The following HSD17B12 variants were observed in gnomAD, a reference collection of about 807,000 sequenced individuals.
The protein encoded by HSD17B12 is hydroxysteroid 17-beta dehydrogenase 12, also known as very-long-chain 3-oxoacyl-CoA reductase.
A neutral mutation model predicts 39.3 loss-of-function variants in HSD17B12; 32 were observed. The observed-to-expected ratio is 0.81, with a 90% CI of 0.61 to 1.09. The LOEUF (loss-of-function observed/expected upper bound fraction) is 1.09. Ranked by LOEUF, HSD17B12 falls within the 50% of genes least tolerant of loss-of-function variation. The pLI, the probability that HSD17B12 is intolerant of heterozygous loss-of-function variation, is 0.00. For synonymous variants in HSD17B12, 150 were observed against 146.7 expected (o/e 1.02, Z -0.16); for missense variants, 342 against 382.9 (o/e 0.89, Z 0.89).
Position 43,854,880 on chromosome 11 carries a change from G to T in HSD17B12, c.834+16G>T. On this transcript the variant is annotated intron_variant, in intron 10 of 10. Transcript: ENST00000278353. Reference sequence around the variant, plus strand: ...TGCTCTTATGGTAGGTAGATTTTTTGAATCACAAATCAATACTTTCTGGCT... The same window carrying T: ...TGCTCTTATGGTAGGTAGATTTTTTTAATCACAAATCAATACTTTCTGGCT... 1.2e-6 allele frequency: 2 copies of T among 1,612,260 alleles called. No homozygotes were observed. The highest frequency in any genetic ancestry group is 2.2e-5 in the South Asian group (2 of 90,910).
the HSD17B12 span, among the ~76,000 whole-genome samples, chr11:43,626,242 A>G: frequency 6.8e-4 from 103 of 151,916 alleles, no homozygotes; most frequent in Middle Eastern, 3.4e-3. Context: ...CTAAATATAA[A>G]ATTTTTAAAA....
chr11:43,616,159 G>C, the HSD17B12 span, among the ~76,000 whole-genome samples: 58,087 of 152,048 alleles, frequency 0.38, 12,524 homozygotes, highest in East Asian at 0.75. Flanking sequence ...TGTAATACCA[G>C]CATTTTGGGA....
At chr11:43,696,768 C>G (rs769566584) in intron 1 of HSD17B12, among the ~76,000 whole-genome samples, 1 of 152,116 alleles carries the variant, frequency 6.6e-6, no homozygotes, top group Non-Finnish European at 1.5e-5. Context: ...AACTCAAATG[C>G]CCATCAGTGA....
At chr11:43,600,687 G>A in the HSD17B12 span, among the ~76,000 whole-genome samples, 1 of 151,936 alleles carries the variant, frequency 6.6e-6, no homozygotes, top group Admixed American at 6.6e-5. Context: ...TAAGATCTTA[G>A]CAAGTTACTT....
rs755650866 is a variant in HSD17B12 at position 43,680,799 on chromosome 11, A to T, written c.-29A>T. Reference sequence around the variant, plus strand: ...ATTCATTCACTCGCTCTTTTCATTCACGAAGGTAGTGAGGCCTAGTGGAAA... The same window carrying T: ...ATTCATTCACTCGCTCTTTTCATTCTCGAAGGTAGTGAGGCCTAGTGGAAA... On this transcript the variant is annotated 5_prime_UTR_variant, in exon 1 of 11. Transcript: ENST00000278353. The T allele has an allele frequency of 6.3e-7, 1 of 1,591,074 alleles. No homozygotes were observed. The highest frequency in any genetic ancestry group is 2.2e-5 in the East Asian group (1 of 44,688).
At chr11:43,633,301 G>A in the HSD17B12 span, among the ~76,000 whole-genome samples, 1 of 152,176 alleles carries the variant, frequency 6.6e-6, no homozygotes, top group Non-Finnish European at 1.5e-5. Context: ...GGAGGCCAAG[G>A]CAGGAGGATC....
the HSD17B12 span, among the ~76,000 whole-genome samples, chr11:43,628,050 C>CT: frequency 4.7e-5 from 7 of 149,350 alleles, no homozygotes; most frequent in South Asian, 2.1e-4. Flanking sequence ...TTCTTTTTTT[C>CT]TTTTTTTTGG....
chr11:43,697,767 G>C lies in HSD17B12; in HGVS notation c.160+16780G>C, dbSNP rs549134059. 9.8e-5 allele frequency among the ~76,000 whole-genome samples: 15 copies of C among 152,314 alleles called. No individual in the cohort carries two copies. The South Asian group carries it at 3.1e-3, about 32-fold the overall frequency. ...TTTCAGGAAGTTTTTCTAAAAGAAG[G>C]TTGAGAGAGCTGGGGCTGAGAATCC... On this transcript the variant is annotated intron_variant, in intron 1 of 10. Coordinates refer to ENST00000278353, the MANE Select transcript of HSD17B12 (RefSeq NM_016142.3).
chr11:43,585,890 A>G, the HSD17B12 span, among the ~76,000 whole-genome samples: 2 of 152,168 alleles, frequency 1.3e-5, no homozygotes, highest in Non-Finnish European at 2.9e-5. Context: ...AATCTCTTCT[A>G]ATTATGTTTG....
chr11:43,557,873 G>A, the HSD17B12 span, among the ~76,000 whole-genome samples: 1 of 152,132 alleles, frequency 6.6e-6, no homozygotes, highest in African/African-American at 2.4e-5. Context: ...TAACGGGGGG[G>A]AGCCTGAGGT....
rs181043973 is a variant in HSD17B12 at position 43,728,450 on chromosome 11, T to C, written c.161-22461T>C. 1.5e-3 allele frequency among the ~76,000 whole-genome samples: 222 copies of C among 152,010 alleles called. 1 individual carries two copies. The highest frequency in any genetic ancestry group is 1.2e-3 in the Non-Finnish European group (79 of 67,996). On this transcript the variant is annotated intron_variant, in intron 1 of 10. Transcript: ENST00000278353. ...ATTACACAAGAAATATATTTACTTA[T>C]AGAAAAATTAGAAAATCCAGCTAAG...
In HSD17B12 at chr11:43,831,566, G is replaced by A. The variant is rs1204061532; in HGVS notation, c.536+556G>A. On this transcript the variant is annotated intron_variant, in intron 7 of 10. Transcript: ENST00000278353. The surrounding 1 kb of genome is among the most constrained non-coding windows in gnomAD (Gnocchi z 4.1). ...TGCCGAATGTCTTCATTTTGATTGA[G>A]AAATATGTTGTAGATTTCTGTTATC... 6.6e-6 allele frequency: 1 copy of A among 152,216 alleles called. No homozygotes were observed. Among genetic ancestry groups the A allele is most frequent in the Non-Finnish European group, 1.5e-5 (1 of 68,046 alleles). The allele number at this position is 152,216 out of a possible 1,614,324, so 9.4% of individuals were successfully genotyped here. A position where few individuals can be genotyped will look rare whatever the true frequency, so the allele number is the denominator to read the frequency against.
the HSD17B12 span, among the ~76,000 whole-genome samples, chr11:43,655,616 G>A: frequency 6.6e-6 from 1 of 152,156 alleles, no homozygotes; most frequent in Non-Finnish European, 1.5e-5. Context: ...TTAGCATGAA[G>A]GGCTGTTGAA....
the HSD17B12 span, among the ~76,000 whole-genome samples, chr11:43,639,598 T>C: frequency 2.6e-5 from 4 of 152,022 alleles, no homozygotes; most frequent in African/African-American, 9.7e-5. Context: ...TTGACATCTC[T>C]TCTATCCATA....
chr11:43,855,455 TTAATA>T lies in HSD17B12; in HGVS notation c.*211_*215del, dbSNP rs1221619570. ...ATACTATCCGAGGTAATTTTGAAGT[TTAATA>T]TAAATGCTCATATCAAATGAATATA... On this transcript the variant is annotated 3_prime_UTR_variant, in exon 11 of 11. Transcript: ENST00000278353. The T allele has an allele frequency of 6.0e-6, 2 of 330,990 alleles. No homozygotes were observed. Among genetic ancestry groups the T allele is most frequent in the African/African-American group, 4.3e-5 (2 of 46,622 alleles). The allele number at this position is 330,990 out of a possible 1,614,324, so 20.5% of individuals were successfully genotyped here. A position where few individuals can be genotyped will look rare whatever the true frequency, so the allele number is the denominator to read the frequency against.
chr11:43,820,172 T>C (rs1951167597), intron 6 of HSD17B12, among the ~76,000 whole-genome samples: 1 of 152,164 alleles, frequency 6.6e-6, no homozygotes, highest in Admixed American at 6.5e-5. Context: ...AGGGCATGAC[T>C]GGGCAAGACC....
At chr11:43,765,791 C>T (rs2134974538) in intron 3 of HSD17B12, among the ~76,000 whole-genome samples, 1 of 152,234 alleles carries the variant, frequency 6.6e-6, no homozygotes, top group South Asian at 2.1e-4. Context: ...AGACATTGTC[C>T]TTTTTCTCTC....
rs143439883 is a variant in HSD17B12 at position 43,687,690 on chromosome 11, G to T, written c.160+6703G>T. ...ATATGAGTGCCATGGAACTGGAGAG[G>T]CAAGAAGGGCAATGAGCAGGGCCTT... On this transcript the variant is annotated intron_variant, in intron 1 of 10. Coordinates refer to ENST00000278353, the MANE Select transcript of HSD17B12 (RefSeq NM_016142.3). 2.3e-3 allele frequency among the ~76,000 whole-genome samples: 349 copies of T among 152,346 alleles called. 2 individuals are homozygous for T. Among genetic ancestry groups the T allele is most frequent in the African/African-American group, 8.0e-3 (332 of 41,570 alleles).
chr11:43,735,500 A>T (rs926611539), intron 1 of HSD17B12, among the ~76,000 whole-genome samples: 10 of 152,170 alleles, frequency 6.6e-5, no homozygotes, highest in African/African-American at 2.4e-4. Context: ...TTTCTCTAAT[A>T]ATGTTGAGCT....
Sources: gnomAD v4.1 joint callset for allele counts (sites outside exome capture counted in the v4.1 genomes callset) on GRCh38, gnomAD v4.1.1 for gene constraint, Gnocchi (gnomAD v3.1) non-coding constraint, MANE v1.5 for transcripts, NCBI Gene and HGNC (gene_info 2026-07-23, HGNC 2026-07-21) for gene names.